KLF12: variants seen among roughly 807,000 people sequenced by gnomAD.
KLF12 encodes KLF transcription factor 12, also known as Krueppel-like factor 12.
A neutral mutation model predicts 37.8 loss-of-function variants in KLF12; 9 were observed. That is an observed-to-expected ratio of 0.24 (90% CI 0.14 to 0.42). The LOEUF is 0.42. Among genes scored for constraint, KLF12 ranks in the 10% least tolerant of loss-of-function variants. The pLI, the probability that KLF12 is intolerant of heterozygous loss-of-function variation, is 1.00. For synonymous variants in KLF12, 208 were observed against 202.1 expected (o/e 1.03, Z -0.25); for missense variants, 411 against 516.0 (o/e 0.80, Z 1.97).
intron 7 of KLF12, among the ~76,000 whole-genome samples, chr13:73,712,338 CAAA>C (rs752694466): frequency 9.5e-5 from 4 of 42,054 alleles, no homozygotes; most frequent in African/African-American, 1.5e-4. Flanking sequence ...AACTCCATGT[CAAA>C]AAAAAAAAAA....
intron 5 of KLF12, among the ~76,000 whole-genome samples, chr13:73,768,737 C>T (rs146100248): frequency 6.6e-6 from 1 of 152,186 alleles, no homozygotes; most frequent in East Asian, 1.9e-4. Context: ...TTAATTTATC[C>T]TCATGTCATT....
chr13:74,170,574 T>G, the KLF12 span, among the ~76,000 whole-genome samples: 4 of 152,178 alleles, frequency 2.6e-5, no homozygotes, highest in Non-Finnish European at 4.4e-5. Context: ...AATGAGTATG[T>G]TTGGCCATTA....
intron 3 of KLF12, among the ~76,000 whole-genome samples, chr13:73,930,427 T>C (rs955006851): frequency 6.6e-6 from 1 of 152,230 alleles, no homozygotes; most frequent in Non-Finnish European, 1.5e-5. Context: ...TTTTATGTTT[T>C]TGGAAACAAT....
At chr13:73,975,635 A>T (rs897844153) in intron 2 of KLF12, among the ~76,000 whole-genome samples, 1 of 151,910 alleles carries the variant, frequency 6.6e-6, no homozygotes, top group African/African-American at 2.4e-5. Flanking sequence ...TCACAAACAC[A>T]CCTTCTTAGG....
intron 6 of KLF12, among the ~76,000 whole-genome samples, chr13:73,716,210 A>G (rs1372527556): frequency 3.3e-5 from 5 of 152,198 alleles, no homozygotes; most frequent in African/African-American, 2.4e-5. Flanking sequence ...TAACTTGCAT[A>G]TTGTTTAATC....
At chr13:73,820,254 A>T (rs1883449741) in intron 4 of KLF12, among the ~76,000 whole-genome samples, 1 of 152,072 alleles carries the variant, frequency 6.6e-6, no homozygotes, top group Non-Finnish European at 1.5e-5. Context: ...CTCCTTGGTC[A>T]CCTCCTGCTG....
the KLF12 span, among the ~76,000 whole-genome samples, chr13:74,279,216 C>T: frequency 4.6e-5 from 7 of 152,242 alleles, no homozygotes; most frequent in Middle Eastern, 3.4e-3. Context: ...CATAATGGGA[C>T]GTAGGAAGCC....
At position 73,692,105 on chromosome 13, in the gene KLF12, G is replaced by A. The variant is rs1436936535; in HGVS notation, c.*3385C>T. 1.3e-5 allele frequency: 2 copies of A among 152,428 alleles called. No individual in the cohort carries two copies. The highest frequency in any genetic ancestry group is 2.9e-5 in the Non-Finnish European group (2 of 68,010). 9.4% of individuals were successfully genotyped at this position (152,428 alleles called of 1,614,324 possible). The stretch of plus-strand genomic sequence containing the variant: ...ATGTCCTATAGTGTTTTATAGAAAC[G>A]ACGCCAGGCAGAAGTATAATCTTTA... On this transcript the variant is annotated 3_prime_UTR_variant, in exon 8 of 8. Coordinates refer to ENST00000377669, the MANE Select transcript of KLF12 (RefSeq NM_007249.5).
At chr13:73,838,864 A>G (rs1566406842) in intron 4 of KLF12, among the ~76,000 whole-genome samples, 1 of 152,182 alleles carries the variant, frequency 6.6e-6, no homozygotes, top group Non-Finnish European at 1.5e-5. Flanking sequence ...ATAAAGAACA[A>G]AAGGATAGTG....
the KLF12 span, among the ~76,000 whole-genome samples, chr13:74,222,696 G>C: frequency 6.6e-6 from 1 of 152,080 alleles, no homozygotes; most frequent in Non-Finnish European, 1.5e-5. Context: ...GATATTTGGT[G>C]TTCACTCAAA....
At chr13:73,845,708 G>C in intron 4 of KLF12, 119 bp downstream of exon 4, 4 of 831,892 alleles carry the variant, frequency 4.8e-6, no homozygotes, top group Non-Finnish European at 7.6e-6. Context: ...GTGTCTCCAC[G>C]TTGCTCTACA....
chr13:73,813,035 C>T (rs753698729), intron 5 of KLF12, 117 bp downstream of exon 5: 83 of 1,048,264 alleles, frequency 7.9e-5, no homozygotes, highest in Non-Finnish European at 1.1e-4. Flanking sequence ...AAGCTGCTGA[C>T]ATTCGTGCCA....
intron 3 of KLF12, among the ~76,000 whole-genome samples, chr13:73,929,081 GAATT>G (rs1889544311): frequency 6.6e-6 from 1 of 152,140 alleles, no homozygotes; most frequent in Non-Finnish European, 1.5e-5. Flanking sequence ...ACTGAGAAGA[GAATT>G]AATCCACATG....
rs59315484 is a variant in KLF12 at position 74,041,691 on chromosome 13, TACACACACACACACACACACACACACAC to T, written c.-31-46666_-31-46639del. ...TATGAAATTCCCCAGATCGCTGATT[TACACACACACACACACACACACACACAC>T]ACACACACACACACCCCTTCAAAAC... On this transcript the variant is annotated intron_variant, in intron 1 of 7. Transcript: ENST00000377669. Among the ~76,000 whole-genome samples, 902 of 142,372 alleles carry T rather than the reference TACACACACACACACACACACACACACAC, an allele frequency of 6.3e-3. 2 individuals carry two copies. The highest frequency in any genetic ancestry group is 0.019 in the African/African-American group (745 of 38,248). The allele number at this position is 142,372 out of a possible 152,430, so 93.4% of individuals were successfully genotyped here.
At position 73,846,316 on chromosome 13, in the gene KLF12, C is replaced by A. The variant is rs1435312697; in HGVS notation, c.181G>T (p.Val61Leu). The A allele has an allele frequency of 6.2e-7, 1 of 1,613,822 alleles. No individual in the cohort carries two copies. The highest frequency in any genetic ancestry group is 8.5e-7 in the Non-Finnish European group (1 of 1,179,992). The change falls in exon 4 of 8, where the codon GTG becomes TTG. Residue 61 changes from valine to leucine, a missense_variant. Transcript: ENST00000377669. ...GAGTCCTCCGGGGGCTCCCCTTTCACATTATTTAGCAACAGGGGAACGGCT... is the reference window on the plus strand; with the variant it reads ...GAGTCCTCCGGGGGCTCCCCTTTCAAATTATTTAGCAACAGGGGAACGGCT...
Position 73,824,787 on chromosome 13 carries a change from G to T in KLF12, c.671-11500C>A, listed in dbSNP as rs187472579. On this transcript the variant is annotated intron_variant, in intron 4 of 7. Transcript: ENST00000377669. ...TAGAAATATAGATTTCTAATTTCAG[G>T]CTGGGCGCGGTGGCTCACACCTGTA... Among the ~76,000 whole-genome samples, 219 of 152,202 alleles carry T rather than the reference G, an allele frequency of 1.4e-3. 1 individual carries two copies. Among genetic ancestry groups the T allele is most frequent in the African/African-American group, 4.8e-3 (199 of 41,516 alleles).
chr13:73,742,691 A>T (rs1878087170), intron 6 of KLF12, among the ~76,000 whole-genome samples: 3 of 152,166 alleles, frequency 2.0e-5, no homozygotes, highest in Admixed American at 2.0e-4. Context: ...TTTACAGATG[A>T]GTAAAATAGA....
rs1195746955 is a variant in KLF12, at chr13:73,901,445, T to G, written c.123+42536A>C. 3.9e-5 allele frequency among the ~76,000 whole-genome samples: 6 copies of G among 152,276 alleles called. No homozygotes were observed. In the East Asian group the frequency reaches 9.6e-4, roughly 24 times the overall value. On this transcript the variant is annotated intron_variant, in intron 3 of 7. Transcript: ENST00000377669. ...TCCACCTTGTCCTCAGCACTAAACA[T>G]TATCTTTACATTAGCCTCCTATTAA... is the stretch of plus-strand genomic sequence containing the variant.
the KLF12 span, among the ~76,000 whole-genome samples, chr13:74,289,675 G>A: frequency 2.6e-5 from 4 of 152,116 alleles, no homozygotes. Context: ...AATGACCAAG[G>A]CAAATATACT....
Sources: gnomAD v4.1 joint callset for allele counts (sites outside exome capture counted in the v4.1 genomes callset) on GRCh38, gnomAD v4.1.1 for gene constraint, MANE v1.5 for transcripts, NCBI Gene and HGNC (gene_info 2026-07-23, HGNC 2026-07-21) for gene names.